The following STK31 variants were observed in gnomAD, a reference collection of about 807,000 sequenced individuals.
STK31 encodes the protein serine/threonine kinase 31.
STK31 carries 89 observed loss-of-function variants against 129.7 expected under a neutral mutation model. That is an observed-to-expected ratio of 0.69 (90% CI 0.58 to 0.82). The LOEUF is 0.82. Ranked by LOEUF, STK31 falls within the 40% of genes least tolerant of loss-of-function variation. The pLI, the probability that STK31 is intolerant of heterozygous loss-of-function variation, is 0.00. For synonymous variants in STK31, 448 were observed against 395.3 expected (o/e 1.13, Z -1.58); for missense variants, 1,187 against 1,176.4 (o/e 1.01, Z -0.13).
At chr7:23,823,109 C>G (rs1421763688) in intron 23 of STK31, among the ~76,000 whole-genome samples, 2 of 152,134 alleles carry the variant, frequency 1.3e-5, no homozygotes, top group Non-Finnish European at 2.9e-5. Flanking sequence ...TGGGTATATA[C>G]CCAGTAATGG....
intron 23 of STK31, among the ~76,000 whole-genome samples, chr7:23,824,007 A>C (rs1793950110): frequency 6.6e-6 from 1 of 152,118 alleles, no homozygotes; most frequent in Admixed American, 6.5e-5. Context: ...GTAGCCTTGT[A>C]GTATAGTTTG....
chr7:23,823,351 T>G (rs1365250869), intron 23 of STK31, among the ~76,000 whole-genome samples: 3 of 151,878 alleles, frequency 2.0e-5, no homozygotes, highest in African/African-American at 7.3e-5. Context: ...TGGCCAGTGA[T>G]GATGAGCATT....
intron 22 of STK31, 40 bp from the exon 23 acceptor site, chr7:23,815,104 A>C (rs1793391353): frequency 6.8e-7 from 1 of 1,475,146 alleles, no homozygotes. Flanking sequence ...TTGGCGTATT[A>C]ATACATTGGA....
intron 22 of STK31, among the ~76,000 whole-genome samples, chr7:23,798,659 A>G (rs892354457): frequency 6.6e-6 from 1 of 152,202 alleles, no homozygotes; most frequent in African/African-American, 2.4e-5. Flanking sequence ...GAATGGGCAA[A>G]AACTGGAAGC....
chr7:23,785,004 A>G (rs12333757), intron 17 of STK31, among the ~76,000 whole-genome samples: 22,433 of 152,012 alleles, frequency 0.15, 2,035 homozygotes, highest in Non-Finnish European at 0.21. Context: ...TTATTTCAGT[A>G]GTTTTTGGGG....
chr7:23,750,893 C>T (rs567306568), intron 8 of STK31, among the ~76,000 whole-genome samples: 1 of 152,238 alleles, frequency 6.6e-6, no homozygotes, highest in East Asian at 1.9e-4. Context: ...CATTTCAAGA[C>T]CTCTCTTCTA....
At chr7:23,830,498 G>T (rs896005150) in intron 23 of STK31, among the ~76,000 whole-genome samples, 3 of 151,544 alleles carry the variant, frequency 2.0e-5, no homozygotes, top group Non-Finnish European at 2.9e-5. Flanking sequence ...CTTCTTCCTT[G>T]AACCAGTGAT....
At chr7:23,826,330 T>C (rs1023138655) in intron 23 of STK31, among the ~76,000 whole-genome samples, 9 of 152,302 alleles carry the variant, frequency 5.9e-5, no homozygotes, top group African/African-American at 2.2e-4. Context: ...TCTTGTTGAA[T>C]TGATCCCTTT....
chr7:23,756,563 G>A (rs1208768813), intron 10 of STK31, among the ~76,000 whole-genome samples: 1 of 152,184 alleles, frequency 6.6e-6, no homozygotes, highest in African/African-American at 2.4e-5. Context: ...GGGAATCGTT[G>A]TCTTGTACCA....
At chr7:23,730,872 ATATATATTT>A (rs1343695340) in intron 6 of STK31, among the ~76,000 whole-genome samples, 40 of 56,110 alleles carry the variant, frequency 7.1e-4, no homozygotes, top group African/African-American at 1.9e-3. Context: ...ATATATATAT[ATATATATTT>A]TTTTTTTTTT....
At chr7:23,810,684 A>G (rs1378172648) in intron 22 of STK31, among the ~76,000 whole-genome samples, 1 of 123,208 alleles carries the variant, frequency 8.1e-6, no homozygotes, top group African/African-American at 3.3e-5. Context: ...TATAAAATAG[A>G]TATTATATAT....
In STK31 at chr7:23,763,069, G is replaced by T. The variant is rs550157296; in HGVS notation, c.1416+146G>T. The T allele has an allele frequency of 2.0e-5, 14 of 694,784 alleles. No individual in the cohort carries two copies. In the South Asian group the frequency reaches 3.1e-4, roughly 15 times the overall value. The allele number at this position is 694,784 out of a possible 1,614,324, so 43.0% of individuals were successfully genotyped here. A position where few individuals can be genotyped will look rare whatever the true frequency, so the allele number is the denominator to read the frequency against. On this transcript the variant is annotated intron_variant, in intron 11 of 23. Transcript: ENST00000355870. The stretch of plus-strand genomic sequence containing the variant: ...CTGAATTCTGATTTCTTTTTAATGG[G>T]ATTAAAAGTTTATATTAATATATTT...
At chr7:23,756,973 C>G (rs6969275) in intron 10 of STK31, among the ~76,000 whole-genome samples, 35,988 of 151,870 alleles carry the variant, frequency 0.24, 4,535 homozygotes, top group African/African-American at 0.32. Flanking sequence ...TGTCTTTTCC[C>G]GGTTTGGGTA....
Position 23,735,470 on chromosome 7 carries a change from T to C in STK31, c.484-68T>C, listed in dbSNP as rs569338924. 15 of 1,366,130 alleles carry C rather than the reference T, an allele frequency of 1.1e-5. No homozygotes were observed. The Admixed American group carries it at 3.2e-4, about 29-fold the overall frequency. 84.6% of individuals were successfully genotyped at this position (1,366,130 alleles called of 1,614,324 possible). A position where few individuals can be genotyped will look rare whatever the true frequency, so the allele number is the denominator to read the frequency against. On this transcript the variant is annotated intron_variant, in intron 6 of 23. Transcript: ENST00000355870. ...GAAGAAATATGATGCTTGGAAAAAA[T>C]GGGTAGGAACAAAATAAGGGAAGAG... is the stretch of plus-strand genomic sequence containing the variant.
intron 4 of STK31, 58 bp from the exon 5 acceptor site, chr7:23,727,183 C>A: frequency 1.4e-6 from 2 of 1,394,270 alleles, no homozygotes; most frequent in South Asian, 1.2e-5. Flanking sequence ...AACCTTTATT[C>A]TGATCTGTTC....
intron 11 of STK31, among the ~76,000 whole-genome samples, chr7:23,766,863 A>C (rs1200545609): frequency 6.6e-6 from 1 of 152,000 alleles, no homozygotes; most frequent in African/African-American, 2.4e-5. Flanking sequence ...TATTGTTTAA[A>C]ATCTTTTTAT....
At chr7:23,752,874 T>C in intron 9 of STK31, 42 bp downstream of exon 9, 5 of 1,326,216 alleles carry the variant, frequency 3.8e-6, no homozygotes, top group Non-Finnish European at 4.3e-6. Flanking sequence ...TTTAAACTAA[T>C]TTTTAATCAA....
chr7:23,810,935 G>GTA (rs150672034), intron 22 of STK31, among the ~76,000 whole-genome samples: 47,536 of 131,064 alleles, frequency 0.36, 8,713 homozygotes, highest in Non-Finnish European at 0.42. Flanking sequence ...ATGTGTGTGT[G>GTA]TATATACACA....
chr7:23,788,097 A>G lies in STK31; in HGVS notation c.2605A>G (p.Ile869Val), dbSNP rs1198529975. 3.7e-6 allele frequency: 6 copies of G among 1,611,288 alleles called. No individual in the cohort carries two copies. In the Admixed American group the frequency reaches 5.0e-5, roughly 14 times the overall value. The change falls in exon 21 of 24, where the codon ATT (isoleucine) becomes GTT (valine). Residue 869 changes from isoleucine to valine, a missense_variant. Physicochemically the swap from Ile to Val is conservative, Grantham distance 29 (BLOSUM62 3). Around this residue, in one of 5 missense-constraint regions of STK31, gnomAD observed 975 missense variants for 934.9 expected, o/e 1.04. Coordinates refer to ENST00000355870, the MANE Select transcript of STK31 (RefSeq NM_031414.5). ...NVFALNREQGIVGDFDFTKSV... is the reference protein window; with the variant it reads ...NVFALNREQGVVGDFDFTKSV... The stretch of plus-strand genomic sequence containing the variant: ...ATTTGCTTTAAACCGTGAACAAGGA[A>G]TTGTTGGAGATTTTGACTTCACCAA...
Sources: allele counts gnomAD v4.1 joint callset (sites outside exome capture counted in the v4.1 genomes callset), GRCh38; gene constraint gnomAD v4.1.1; regional missense constraint gnomAD v4.1.1; transcripts MANE v1.5; gene names NCBI Gene and HGNC (gene_info 2026-07-23, HGNC 2026-07-21).